GRM5: variants seen among roughly 807,000 people sequenced by gnomAD.
GRM5 encodes glutamate metabotropic receptor 5.
In GRM5, 19 loss-of-function variants were observed where a neutral mutation model predicts 83.1. The ratio of observed to expected loss-of-function variants is 0.23; its 90% CI spans 0.16 to 0.34. The LOEUF (loss-of-function observed/expected upper bound fraction) is 0.34, where lower values mean the gene tolerates loss of function less well. Among genes scored for constraint, GRM5 ranks in the 10% least tolerant of loss-of-function variants. The pLI is 1.00. For missense variants in GRM5, 1,160 were observed against 1,588.3 expected (o/e 0.73, Z 4.58); for synonymous variants, 675 against 633.6 (o/e 1.07, Z -0.98).
chr11:88,766,873 C>T (rs753017314), intron 3 of GRM5, among the ~76,000 whole-genome samples: 23 of 151,890 alleles, frequency 1.5e-4, no homozygotes, highest in Admixed American at 4.6e-4. Context: ...CAAACAACCC[C>T]ATTAAAAAAT....
chr11:88,641,927 G>A (rs941716923), intron 4 of GRM5, among the ~76,000 whole-genome samples: 1 of 152,120 alleles, frequency 6.6e-6, no homozygotes, highest in African/African-American at 2.4e-5. Flanking sequence ...GATGATGGTG[G>A]CCCCCTTCTC....
chr11:88,664,799 A>C (rs1229469504), intron 3 of GRM5, among the ~76,000 whole-genome samples: 1 of 152,160 alleles, frequency 6.6e-6, no homozygotes, highest in Non-Finnish European at 1.5e-5. Context: ...GGGATTATTT[A>C]AAGTATATAA....
intron 2 of GRM5, among the ~76,000 whole-genome samples, chr11:89,046,449 C>T (rs1204308160): frequency 6.6e-6 from 1 of 151,646 alleles, no homozygotes; most frequent in Non-Finnish European, 1.5e-5. Flanking sequence ...TAGGTCAAAA[C>T]AAATTTTTTC....
chr11:88,946,027 A>C (rs1938273572), intron 2 of GRM5, among the ~76,000 whole-genome samples: 1 of 152,098 alleles, frequency 6.6e-6, no homozygotes. Flanking sequence ...TAAGGAATGT[A>C]AACAGTTCAA....
intron 8 of GRM5, among the ~76,000 whole-genome samples, chr11:88,566,683 T>G (rs1942883743): frequency 6.6e-6 from 1 of 152,134 alleles, no homozygotes; most frequent in Non-Finnish European, 1.5e-5. Flanking sequence ...TAGTAATATA[T>G]TTTTACTCTG....
chr11:88,906,720 T>C (rs1945409485), intron 2 of GRM5, among the ~76,000 whole-genome samples: 1 of 152,198 alleles, frequency 6.6e-6, no homozygotes, highest in Admixed American at 6.5e-5. Context: ...TTAGTAAATA[T>C]GAGCTATGTA....
chr11:88,837,044 C>A, intron 3 of GRM5, among the ~76,000 whole-genome samples: 1 of 152,036 alleles, frequency 6.6e-6, no homozygotes, highest in Non-Finnish European at 1.5e-5. Context: ...TTGAATAGTC[C>A]ATCTAATTAT....
At chr11:88,940,178 T>C (rs1320689084) in intron 2 of GRM5, among the ~76,000 whole-genome samples, 1 of 151,820 alleles carries the variant, frequency 6.6e-6, no homozygotes, top group Non-Finnish European at 1.5e-5. Context: ...TTAGGTGATA[T>C]ATTCCATAAC....
At chr11:88,964,214 A>G (rs957619341) in intron 2 of GRM5, among the ~76,000 whole-genome samples, 4 of 152,186 alleles carry the variant, frequency 2.6e-5, no homozygotes, top group African/African-American at 9.6e-5. Flanking sequence ...AGTGTTTTTA[A>G]TTAAAAATTG....
At chr11:88,999,833 C>T (rs1341620367) in intron 2 of GRM5, among the ~76,000 whole-genome samples, 20 of 152,296 alleles carry the variant, frequency 1.3e-4, no homozygotes, top group African/African-American at 4.8e-4. Flanking sequence ...GACTTGGAAC[C>T]AACCCAAATG....
intron 2 of GRM5, among the ~76,000 whole-genome samples, chr11:88,965,073 A>G (rs1182014834): frequency 9.2e-5 from 14 of 152,210 alleles, no homozygotes. Context: ...GGTGTTATAA[A>G]CACACCAATT....
At chr11:88,755,798 A>T (rs1942383535) in intron 3 of GRM5, among the ~76,000 whole-genome samples, 1 of 152,142 alleles carries the variant, frequency 6.6e-6, no homozygotes, top group Admixed American at 6.6e-5. Context: ...TGAATCTGGC[A>T]CTTTTATTGT....
intron 3 of GRM5, among the ~76,000 whole-genome samples, chr11:88,737,314 G>T (rs1252387975): frequency 2.6e-5 from 4 of 152,034 alleles, no homozygotes; most frequent in African/African-American, 9.7e-5. Context: ...CCCTGCATGT[G>T]TAGCCTCTAC....
chr11:88,826,548 T>C (rs1023102915), intron 3 of GRM5, among the ~76,000 whole-genome samples: 1 of 152,124 alleles, frequency 6.6e-6, no homozygotes, highest in African/African-American at 2.4e-5. Flanking sequence ...TGGTAGCCAC[T>C]AGTCCAATGG....
chr11:88,664,071 C>G (rs1410049541), intron 3 of GRM5, among the ~76,000 whole-genome samples: 1 of 152,086 alleles, frequency 6.6e-6, no homozygotes, highest in Non-Finnish European at 1.5e-5. Flanking sequence ...ATTGTACTTG[C>G]TAAGTTCTCT....
At chr11:89,037,495 G>T (rs1439386112) in intron 2 of GRM5, among the ~76,000 whole-genome samples, 1 of 151,886 alleles carries the variant, frequency 6.6e-6, no homozygotes, top group Non-Finnish European at 1.5e-5. Context: ...ATATATCCTT[G>T]GAATCTGATT....
chr11:89,045,587 A>G (rs1481666319), intron 2 of GRM5, among the ~76,000 whole-genome samples: 1 of 152,122 alleles, frequency 6.6e-6, no homozygotes, highest in African/African-American at 2.4e-5. Context: ...AACTTATTTT[A>G]TTAGGTTATT....
intron 9 of GRM5, among the ~76,000 whole-genome samples, chr11:88,514,779 A>G (rs1941476885): frequency 6.6e-6 from 1 of 152,206 alleles, no homozygotes. Context: ...TAAAGTGGAT[A>G]TTAACGAGGC....
At chr11:88,892,840 C>T (rs1402845139) in intron 2 of GRM5, among the ~76,000 whole-genome samples, 1 of 151,986 alleles carries the variant, frequency 6.6e-6, no homozygotes, top group African/African-American at 2.4e-5. Context: ...GGCAATTATT[C>T]TGCAAATTCT....
Sources: gnomAD v4.1 joint callset for allele counts (sites outside exome capture counted in the v4.1 genomes callset) on GRCh38, gnomAD v4.1.1 for gene constraint, MANE v1.5 for transcripts, NCBI Gene and HGNC (gene_info 2026-07-23, HGNC 2026-07-21) for gene names.